PRKCB: variants seen among roughly 807,000 people sequenced by gnomAD.
PRKCB encodes protein kinase C beta.
PRKCB carries 13 observed loss-of-function variants against 81.5 expected under a neutral mutation model. The ratio of observed to expected loss-of-function variants is 0.16; its 90% CI spans 0.10 to 0.25. The LOEUF (loss-of-function observed/expected upper bound fraction) is 0.25. PRKCB is among the 10% of genes least tolerant of loss of function. PRKCB has a pLI of 1.00. For synonymous variants in PRKCB, 335 were observed against 321.4 expected, an observed-to-expected ratio of 1.04 and a Z score of -0.45; for missense variants, 509 against 875.7, an observed-to-expected ratio of 0.58 and a Z score of 5.29.
chr16:24,211,159 A>C (rs1419493632), intron 16 of PRKCB, among the ~76,000 whole-genome samples: 2 of 152,232 alleles, frequency 1.3e-5, no homozygotes, highest in African/African-American at 4.8e-5. Flanking sequence ...TGAAGCCAAG[A>C]TAACAAAAAC....
intron 2 of PRKCB, among the ~76,000 whole-genome samples, chr16:23,986,364 C>T (rs968236262): frequency 3.9e-5 from 6 of 152,088 alleles, no homozygotes; most frequent in Non-Finnish European, 7.4e-5. Context: ...AGCGATCCTC[C>T]CACCTCAGCC....
At position 24,216,972 on chromosome 16, in the gene PRKCB, A is replaced by T; in HGVS notation, c.*2156A>T. On this transcript the variant is annotated 3_prime_UTR_variant, in exon 17 of 17. Coordinates refer to ENST00000643927, the MANE Select transcript of PRKCB (RefSeq NM_002738.7). Reference sequence around the variant, plus strand: ...CAGGCCCTTATCTGGTGGTTGGATCATGATCCCATTTTGCTTGGACATGCT... The same window carrying T: ...CAGGCCCTTATCTGGTGGTTGGATCTTGATCCCATTTTGCTTGGACATGCT... 5.1e-6 allele frequency: 5 copies of T among 985,448 alleles called. No individual in the cohort carries two copies. The highest frequency in any genetic ancestry group is 4.8e-6 in the Non-Finnish European group (4 of 829,948). The allele number at this position is 985,448 out of a possible 1,614,324, so 61.0% of individuals were successfully genotyped here.
At chr16:24,087,108 C>T (rs78550179) in intron 5 of PRKCB, among the ~76,000 whole-genome samples, 3,806 of 152,144 alleles carry the variant, frequency 0.025, 52 homozygotes, top group Non-Finnish European at 0.038. Flanking sequence ...TTCCACTTAT[C>T]CTGAAATACT....
chr16:24,045,969 G>A (rs913839885), intron 5 of PRKCB, among the ~76,000 whole-genome samples: 1 of 152,246 alleles, frequency 6.6e-6, no homozygotes, highest in Non-Finnish European at 1.5e-5. Context: ...CATGAAGCTC[G>A]GGTGTCAGTC....
chr16:23,843,861 G>A (rs1427105951), intron 2 of PRKCB, among the ~76,000 whole-genome samples: 3 of 148,234 alleles, frequency 2.0e-5, no homozygotes, highest in African/African-American at 2.5e-5. Flanking sequence ...ATTAACTGAA[G>A]GTTTGAAAAT....
At chr16:24,188,462 A>G (rs1052060818) in intron 15 of PRKCB, among the ~76,000 whole-genome samples, 3 of 152,182 alleles carry the variant, frequency 2.0e-5, no homozygotes, top group African/African-American at 7.2e-5. Flanking sequence ...ATGTTTTTGC[A>G]GTACCTTTTC....
intron 5 of PRKCB, among the ~76,000 whole-genome samples, chr16:24,082,042 C>G (rs1399459908): frequency 6.6e-6 from 1 of 151,902 alleles, no homozygotes; most frequent in Non-Finnish European, 1.5e-5. Context: ...GCATACAAGT[C>G]AACACACAAA....
intron 9 of PRKCB, among the ~76,000 whole-genome samples, chr16:24,139,059 C>T (rs575951224): frequency 1.1e-4 from 16 of 152,002 alleles, no homozygotes; most frequent in Non-Finnish European, 2.4e-4. Flanking sequence ...ACCATGTTGA[C>T]CAGGCTGGTC....
rs548979273 is a variant in PRKCB, at chr16:24,120,408, A to T, written c.919-3427A>T. On this transcript the variant is annotated intron_variant, in intron 8 of 16. Coordinates refer to ENST00000643927, the MANE Select transcript of PRKCB (RefSeq NM_002738.7). ...TTGTTAGCCATGGTTCCTATATGGTAACAGTGGAATATGCACCCCATGAGG... is the reference window on the plus strand; with the variant it reads ...TTGTTAGCCATGGTTCCTATATGGTTACAGTGGAATATGCACCCCATGAGG... Among the ~76,000 whole-genome samples, 432 of 152,312 alleles carry T rather than the reference A, an allele frequency of 2.8e-3. 3 individuals are homozygous for T. Among genetic ancestry groups the T allele is most frequent in the African/African-American group, 9.6e-3 (397 of 41,550 alleles).
chr16:24,094,018 G>C, intron 6 of PRKCB, 145 bp from the exon 7 acceptor site: 1 of 949,790 alleles, frequency 1.1e-6, no homozygotes, highest in Non-Finnish European at 1.5e-6. Flanking sequence ...TGGAGAGCTA[G>C]CCTGGGATGG....
At chr16:24,105,054 G>A (rs1966556729) in intron 7 of PRKCB, among the ~76,000 whole-genome samples, 1 of 82,868 alleles carries the variant, frequency 1.2e-5, no homozygotes, top group Non-Finnish European at 2.5e-5. Flanking sequence ...CACGTTGTTG[G>A]ATTTTTTTTT....
intron 2 of PRKCB, among the ~76,000 whole-genome samples, chr16:23,987,404 G>GC (rs1437316636): frequency 7.1e-6 from 1 of 139,866 alleles, no homozygotes; most frequent in African/African-American, 2.6e-5. Context: ...GTTGGGGTGG[G>GC]GGGGGGTGTG....
intron 1 of PRKCB, 32 bp downstream of exon 1, chr16:23,836,380 G>GC: frequency 6.3e-7 from 1 of 1,589,850 alleles, no homozygotes. Flanking sequence ...ACCTTCCCGG[G>GC]CCCCCGAGGG....
chr16:24,178,972 G>T (rs1461827774), intron 12 of PRKCB, among the ~76,000 whole-genome samples: 1 of 152,224 alleles, frequency 6.6e-6, no homozygotes, highest in African/African-American at 2.4e-5. Context: ...GTGACGTTAT[G>T]AGGGCACATT....
chr16:23,933,894 A>G (rs531946960), intron 2 of PRKCB, among the ~76,000 whole-genome samples: 2 of 115,222 alleles, frequency 1.7e-5, no homozygotes, highest in East Asian at 2.8e-4. Context: ...TTGTTTGTCA[A>G]TTTTCTACCC....
intron 16 of PRKCB, among the ~76,000 whole-genome samples, chr16:24,193,036 TGCAA>T (rs1189208467): frequency 1.3e-5 from 2 of 152,074 alleles, no homozygotes; most frequent in Non-Finnish European, 2.9e-5. Flanking sequence ...CATAGCTTAC[TGCAA>T]CCTCGACCTC....
At chr16:24,047,182 CA>C (rs34227077) in intron 5 of PRKCB, among the ~76,000 whole-genome samples, 36,625 of 148,672 alleles carry the variant, frequency 0.25, 4,554 homozygotes, top group East Asian at 0.31. Context: ...ACTAAAAATA[CA>C]AAAAAAAAAT....
At chr16:24,021,218 C>T (rs1567347121) in intron 3 of PRKCB, among the ~76,000 whole-genome samples, 9 of 22,240 alleles carry the variant, frequency 4.0e-4, no homozygotes, top group Non-Finnish European at 4.7e-4. Context: ...TTCTTTCTTT[C>T]TTTCTTTCTT....
At position 24,092,822 on chromosome 16, in the gene PRKCB, C is replaced by T; in HGVS notation, c.561C>T (p.Asp187=). The change falls in exon 6 of 17, where the codon GAC becomes GAT. Residue 187 remains aspartate, a synonymous_variant. Transcript: ENST00000643927. Reference sequence around the variant, plus strand: ...ATGCTAAAAACCTTGTACCTATGGACCCCAATGGCCTGTCAGATCCCTACG... The same window carrying T: ...ATGCTAAAAACCTTGTACCTATGGATCCCAATGGCCTGTCAGATCCCTACG... The part of the protein sequence containing the change: ...VRDAKNLVPM[D]PNGLSDPYVK... 6.2e-7 allele frequency: 1 copy of T among 1,614,070 alleles called. No individual in the cohort carries two copies. The highest frequency in any genetic ancestry group is 8.5e-7 in the Non-Finnish European group (1 of 1,180,000).
Sources: gnomAD v4.1 joint callset for allele counts (sites outside exome capture counted in the v4.1 genomes callset) on GRCh38, gnomAD v4.1.1 for gene constraint, MANE v1.5 for transcripts, NCBI Gene and HGNC (gene_info 2026-07-23, HGNC 2026-07-21) for gene names.